The following RNF149 variants were observed in gnomAD, a reference collection of about 807,000 sequenced individuals.
RNF149 encodes the protein ring finger protein 149.
In RNF149, 21 loss-of-function variants were observed where a neutral mutation model predicts 39.0. The ratio of observed to expected loss-of-function variants is 0.54; its 90% CI spans 0.38 to 0.77. The LOEUF is 0.77. Ranked by LOEUF, RNF149 falls within the 30% of genes least tolerant of loss-of-function variation. The probability of loss-of-function intolerance (pLI) is 0.00; values close to 1 mark genes in which losing one functional copy is unlikely to be tolerated. For missense variants in RNF149, 493 were observed against 534.9 expected, an observed-to-expected ratio of 0.92 and a Z score of 0.77; for synonymous variants, 209 against 213.6, an observed-to-expected ratio of 0.98 and a Z score of 0.19.
chr2:101,295,233 A>G, intron 1 of RNF149, 52 bp from the exon 2 acceptor site: 2 of 1,475,966 alleles, frequency 1.4e-6, no homozygotes, highest in East Asian at 2.3e-5. Context: ...TAAGATACAG[A>G]GAACATTAAA....
chr2:101,281,562 C>T, intron 6 of RNF149: 2 of 298,738 alleles, frequency 6.7e-6, no homozygotes, highest in Non-Finnish European at 1.3e-5. Context: ...AGTACAGTGA[C>T]AGGATCATAG....
At chr2:101,297,164 G>A (rs776624664) in intron 1 of RNF149, among the ~76,000 whole-genome samples, 3 of 152,052 alleles carry the variant, frequency 2.0e-5, no homozygotes, top group Non-Finnish European at 2.9e-5. Flanking sequence ...AGCCAAGATT[G>A]CGCCACTGCA....
chr2:101,278,213 A>C (rs560247961), intron 6 of RNF149, among the ~76,000 whole-genome samples: 1 of 152,162 alleles, frequency 6.6e-6, no homozygotes, highest in Admixed American at 6.5e-5. Context: ...TGACATGATC[A>C]TGGTCACGGC....
intron 5 of RNF149, among the ~76,000 whole-genome samples, chr2:101,282,909 A>G (rs1433780690): frequency 6.6e-6 from 1 of 151,636 alleles, no homozygotes. Flanking sequence ...CAGTAACGTA[A>G]CGCCCTCCCA....
chr2:101,295,278 T>C, intron 1 of RNF149, 97 bp from the exon 2 acceptor site: 1 of 1,019,700 alleles, frequency 9.8e-7, no homozygotes, highest in East Asian at 2.6e-5. Context: ...TCTACATATA[T>C]AAATACATTA....
rs1421283993 is a variant in RNF149, at chr2:101,276,524, C to T, written c.*714G>A. ...TTTTCCTTAACAAGGCAATGAAGAA[C>T]TTAATGCTCATGTGCGATATAGAAT... On this transcript the variant is annotated 3_prime_UTR_variant, in exon 7 of 7. Coordinates refer to ENST00000295317, the MANE Select transcript of RNF149 (RefSeq NM_173647.4). 3.0e-6 allele frequency: 3 copies of T among 985,590 alleles called. No homozygotes were observed. The East Asian group carries it at 3.4e-4, about 112-fold the overall frequency. The allele number at this position is 985,590 out of a possible 1,614,324, so 61.1% of individuals were successfully genotyped here. A position where few individuals can be genotyped will look rare whatever the true frequency, so the allele number is the denominator to read the frequency against.
chr2:101,305,748 A>T (rs1285553513), intron 1 of RNF149, among the ~76,000 whole-genome samples: 1 of 152,178 alleles, frequency 6.6e-6, no homozygotes, highest in Non-Finnish European at 1.5e-5. Flanking sequence ...AGAGGGAGAG[A>T]GAACAAAGAA....
chr2:101,274,794 T>C (rs1682266115), downstream of RNF149, among the ~76,000 whole-genome samples: 1 of 152,212 alleles, frequency 6.6e-6, no homozygotes, highest in African/African-American at 2.4e-5. Context: ...TTTCTTTCTT[T>C]TTTCTTTTTG....
chr2:101,292,682 C>T (rs1296976050), intron 3 of RNF149, among the ~76,000 whole-genome samples: 2 of 152,110 alleles, frequency 1.3e-5, no homozygotes, highest in South Asian at 2.1e-4. Context: ...AGGAGAATGG[C>T]GTGAACCCGG....
At chr2:101,289,178 T>C in intron 3 of RNF149, 123 bp from the exon 4 acceptor site, 1 of 611,328 alleles carries the variant, frequency 1.6e-6, no homozygotes, top group Admixed American at 3.3e-5. Context: ...CCGGTGAAAT[T>C]AAAACACAAA....
At chr2:101,308,037 C>T in intron 1 of RNF149, 92 bp downstream of exon 1, 1 of 1,500,712 alleles carries the variant, frequency 6.7e-7, no homozygotes, top group Non-Finnish European at 8.9e-7. Context: ...GCCAGGCCCG[C>T]TTCGCGGCCT....
At position 101,275,834 on chromosome 2, in the gene RNF149, T is replaced by C; in HGVS notation, c.*1404A>G. ...TTTATAATAAACTACAGAAGGTAGATTTCAAAGGTAATGGCTGTTATGGAA... is the reference window on the plus strand; with the variant it reads ...TTTATAATAAACTACAGAAGGTAGACTTCAAAGGTAATGGCTGTTATGGAA... On this transcript the variant is annotated 3_prime_UTR_variant, in exon 7 of 7. Transcript: ENST00000295317. The C allele has an allele frequency of 1.0e-6, 1 of 981,318 alleles. No individual in the cohort carries two copies. The highest frequency in any genetic ancestry group is 1.7e-5 in the African/African-American group (1 of 57,254). 60.8% of individuals were successfully genotyped at this position (981,318 alleles called of 1,614,324 possible).
At chr2:101,274,628 A>T (rs1040490226), downstream of RNF149, among the ~76,000 whole-genome samples, 3 of 152,210 alleles carry the variant, frequency 2.0e-5, no homozygotes, top group Non-Finnish European at 4.4e-5. Flanking sequence ...CGCCATCGAC[A>T]GCAATGTGGA....
At chr2:101,280,615 T>C (rs1682546282) in intron 6 of RNF149, among the ~76,000 whole-genome samples, 1 of 151,946 alleles carries the variant, frequency 6.6e-6, no homozygotes, top group Non-Finnish European at 1.5e-5. Context: ...ATCTGGAAAG[T>C]ACAATGAAAA....
chr2:101,297,897 C>CA (rs1207207260), intron 1 of RNF149, among the ~76,000 whole-genome samples: 5 of 152,184 alleles, frequency 3.3e-5, no homozygotes, highest in African/African-American at 9.7e-5. Context: ...TCCTTGGTAA[C>CA]AAATGAAAAC....
At chr2:101,285,963 G>C in intron 5 of RNF149, 118 bp downstream of exon 5, 1 of 586,538 alleles carries the variant, frequency 1.7e-6, no homozygotes, top group Non-Finnish European at 3.1e-6. Context: ...TTTCTTCAGA[G>C]AACTACAAGG....
chr2:101,272,702 T>C (rs944112633), downstream of RNF149: 4 of 347,318 alleles, frequency 1.2e-5, no homozygotes, highest in South Asian at 6.7e-5. Context: ...AATACATATA[T>C]ACTGACTTAT....
At position 101,282,077 on chromosome 2, in the gene RNF149, G is replaced by A. The variant is rs1374947966; in HGVS notation, c.961-20C>T. ...CTCTCCCTTGAGAATTAGAACAGAA[G>A]AAAAAACATGATCAAAGCTTAAAAC... On this transcript the variant is annotated intron_variant, in intron 5 of 6. Transcript: ENST00000295317. 2 of 1,611,428 alleles carry A rather than the reference G, an allele frequency of 1.2e-6. No individual in the cohort carries two copies. The highest frequency in any genetic ancestry group is 2.2e-5 in the East Asian group (1 of 44,868).
chr2:101,305,672 A>G (rs1239043908), intron 1 of RNF149, among the ~76,000 whole-genome samples: 1 of 152,046 alleles, frequency 6.6e-6, no homozygotes, highest in Non-Finnish European at 1.5e-5. Flanking sequence ...CCCCCGCCCC[A>G]ACACACACAG....
Sources: allele counts gnomAD v4.1 joint callset (sites outside exome capture counted in the v4.1 genomes callset), GRCh38; gene constraint gnomAD v4.1.1; transcripts MANE v1.5; gene names NCBI Gene and HGNC (gene_info 2026-07-23, HGNC 2026-07-21).